SGTB: variants seen among roughly 807,000 people sequenced by gnomAD.
The protein encoded by SGTB is small glutamine rich tetratricopeptide repeat co-chaperone beta, also known as small glutamine-rich tetratricopeptide repeat-containing protein beta.
SGTB carries 19 observed loss-of-function variants against 43.9 expected under a neutral mutation model. That is an observed-to-expected ratio of 0.43 (90% CI 0.30 to 0.63). The LOEUF is 0.63. Among genes scored for constraint, SGTB ranks in the 30% least tolerant of loss-of-function variants. The probability of loss-of-function intolerance (pLI) is 0.12; values close to 1 mark genes in which losing one functional copy is unlikely to be tolerated. For synonymous variants in SGTB, 116 were observed against 117.3 expected, an observed-to-expected ratio of 0.99 and a Z score of 0.07; for missense variants, 304 against 358.9, an observed-to-expected ratio of 0.85 and a Z score of 1.24.
rs182320065 is a variant in SGTB, at chr5:65,684,300, T to C, written c.479+1068A>G. Among the ~76,000 whole-genome samples the C allele has an allele frequency of 4.0e-3, 608 of 152,158 alleles. 15 individuals carry two copies. The highest frequency in any genetic ancestry group is 0.036 in the Admixed American group (550 of 15,284). ...GGTCTTGCTATGTTGCCCAGGCTGG[T>C]CTTGAACTCCTGGGCTCAAGCATTT... On this transcript the variant is annotated intron_variant, in intron 6 of 10. Coordinates refer to ENST00000381007, the MANE Select transcript of SGTB (RefSeq NM_019072.3).
chr5:65,683,945 C>CAA (rs1387434772), intron 6 of SGTB, among the ~76,000 whole-genome samples: 2 of 80,558 alleles, frequency 2.5e-5, no homozygotes, highest in South Asian at 3.8e-4. Flanking sequence ...GACTCTGTCT[C>CAA]AAAAAAAAAA....
At chr5:65,670,970 C>T (rs534577437) in intron 10 of SGTB, among the ~76,000 whole-genome samples, 8 of 152,124 alleles carry the variant, frequency 5.3e-5, no homozygotes, top group South Asian at 4.1e-4. Context: ...AAGTTGTCTT[C>T]GCCAATTTGA....
intron 5 of SGTB, among the ~76,000 whole-genome samples, chr5:65,688,201 G>A (rs1757535561): frequency 1.3e-5 from 2 of 152,094 alleles, no homozygotes; most frequent in Admixed American, 1.3e-4. Flanking sequence ...TATATAATAA[G>A]CAGAGCCACT....
intron 2 of SGTB, among the ~76,000 whole-genome samples, chr5:65,715,923 C>T (rs1352171145): frequency 1.3e-5 from 2 of 152,234 alleles, no homozygotes; most frequent in African/African-American, 4.8e-5. Flanking sequence ...ACGTGTGCCA[C>T]CACGCCTGGC....
chr5:65,691,265 C>T (rs558299318), intron 5 of SGTB, among the ~76,000 whole-genome samples: 1 of 152,246 alleles, frequency 6.6e-6, no homozygotes, highest in South Asian at 2.1e-4. Flanking sequence ...ATGATCATGT[C>T]CTGCAACCCA....
intron 2 of SGTB, among the ~76,000 whole-genome samples, chr5:65,716,005 A>G (rs1043383619): frequency 2.0e-5 from 3 of 152,220 alleles, no homozygotes; most frequent in African/African-American, 7.2e-5. Flanking sequence ...CCCGACCTCA[A>G]GTGATCCGCC....
intron 5 of SGTB, among the ~76,000 whole-genome samples, chr5:65,693,722 G>A (rs1228047172): frequency 1.3e-5 from 2 of 152,074 alleles, no homozygotes; most frequent in Non-Finnish European, 2.9e-5. Context: ...ACTATACAAA[G>A]ATGAAGAGAA....
chr5:65,694,807 C>G (rs1757687696), intron 5 of SGTB, among the ~76,000 whole-genome samples: 2 of 152,004 alleles, frequency 1.3e-5, no homozygotes, highest in African/African-American at 4.8e-5. Flanking sequence ...ATTCTAGGCA[C>G]AGGGGGAAGC....
rs1316177791 is a variant in SGTB, at chr5:65,667,969, T to G, written c.*2277A>C. 7 of 150,228 alleles carry G rather than the reference T, an allele frequency of 4.7e-5. No homozygotes were observed. Among genetic ancestry groups the G allele is most frequent in the African/African-American group, 1.7e-4 (7 of 41,090 alleles). The allele number at this position is 150,228 out of a possible 1,614,324, so 9.3% of individuals were successfully genotyped here. ...TCTCTTTTTCTTTTTTTTTTTTTTT[T>G]TGAAATGGAGTCTTGCTCTGTCACC... On this transcript the variant is annotated 3_prime_UTR_variant, in exon 11 of 11. Transcript: ENST00000381007.
chr5:65,683,075 T>C (rs1350154185), intron 6 of SGTB, among the ~76,000 whole-genome samples: 1 of 152,070 alleles, frequency 6.6e-6, no homozygotes, highest in African/African-American at 2.4e-5. Flanking sequence ...AACTCATGCC[T>C]GAATGAAGCT....
In SGTB at chr5:65,704,039, AAAAAAAAAAAAAAT is replaced by A. The variant is rs1332591422; in HGVS notation, c.374+226_374+239del. Among the ~76,000 whole-genome samples the A allele has an allele frequency of 4.7e-4, 34 of 72,146 alleles. No homozygotes were observed. The South Asian group carries it at 0.011, about 24-fold the overall frequency. The allele number at this position is 72,146 out of a possible 152,430, so 47.3% of individuals were successfully genotyped here. A position where few individuals can be genotyped will look rare whatever the true frequency, so the allele number is the denominator to read the frequency against. ...GGTGACAGTGAGACTCCGTCTCAAA[AAAAAAAAAAAAAAT>A]AAATAAATAAATAAATAAATAAATT... On this transcript the variant is annotated intron_variant, in intron 5 of 10. Transcript: ENST00000381007.
At chr5:65,705,570 T>A (rs1317480476) in intron 4 of SGTB, among the ~76,000 whole-genome samples, 1 of 152,218 alleles carries the variant, frequency 6.6e-6, no homozygotes, top group Non-Finnish European at 1.5e-5. Context: ...AACTCTCACA[T>A]TAGCCTTGTT....
intron 6 of SGTB, among the ~76,000 whole-genome samples, chr5:65,682,973 T>C (rs1413886288): frequency 6.6e-6 from 1 of 152,158 alleles, no homozygotes; most frequent in Non-Finnish European, 1.5e-5. Flanking sequence ...GATCAATATA[T>C]AATCTTGTTT....
At chr5:65,718,482 T>A (rs940865050) in intron 2 of SGTB, among the ~76,000 whole-genome samples, 1 of 152,124 alleles carries the variant, frequency 6.6e-6, no homozygotes, top group Admixed American at 6.5e-5. Flanking sequence ...GGAGTAGTGC[T>A]AGAGAGAGTG....
intron 3 of SGTB, among the ~76,000 whole-genome samples, chr5:65,710,819 G>A (rs938588574): frequency 2.6e-5 from 4 of 151,942 alleles, no homozygotes; most frequent in South Asian, 2.1e-4. Flanking sequence ...GGGAAACCCC[G>A]CCTCTACTAA....
At chr5:65,676,500 C>G (rs1482058371) in intron 8 of SGTB, among the ~76,000 whole-genome samples, 1 of 152,184 alleles carries the variant, frequency 6.6e-6, no homozygotes. Flanking sequence ...GACTTTAACA[C>G]TCTGCTGACA....
chr5:65,712,852 T>C (rs1466135317), intron 3 of SGTB, 109 bp downstream of exon 3: 9 of 723,184 alleles, frequency 1.2e-5, no homozygotes, highest in Non-Finnish European at 1.8e-5. Context: ...TTACCTTATA[T>C]ACAGGATGAA....
chr5:65,696,488 CA>C (rs1240392459), intron 5 of SGTB, among the ~76,000 whole-genome samples: 4 of 152,142 alleles, frequency 2.6e-5, no homozygotes, highest in Non-Finnish European at 5.9e-5. Context: ...TTTATGTACA[CA>C]AGTGTTAATG....
At chr5:65,718,578 G>T (rs368642392) in intron 2 of SGTB, among the ~76,000 whole-genome samples, 2 of 152,174 alleles carry the variant, frequency 1.3e-5, no homozygotes, top group African/African-American at 2.4e-5. Context: ...GACATAATCT[G>T]ATGGCAAGAC....
Sources: gnomAD v4.1 joint callset for allele counts (sites outside exome capture counted in the v4.1 genomes callset) on GRCh38, gnomAD v4.1.1 for gene constraint, MANE v1.5 for transcripts, NCBI Gene and HGNC (gene_info 2026-07-23, HGNC 2026-07-21) for gene names.